Variants in ATP8A2 observed in about 807,000 individuals in gnomAD.
The protein encoded by ATP8A2 is phospholipid-transporting ATPase IB.
In ATP8A2, 100 loss-of-function variants were observed where a neutral mutation model predicts 165.6. That is an observed-to-expected ratio of 0.60 (90% confidence interval 0.51 to 0.71). The LOEUF (loss-of-function observed/expected upper bound fraction) is 0.71, where lower values mean the gene tolerates loss of function less well. ATP8A2 is among the 30% of genes least tolerant of loss of function. The pLI is 0.00. For synonymous variants in ATP8A2, 543 were observed against 548.8 expected, an observed-to-expected ratio of 0.99 and a Z score of 0.15; for missense variants, 1,227 against 1,479.5, an observed-to-expected ratio of 0.83 and a Z score of 2.80.
rs146201520 is a variant in ATP8A2 at position 25,770,396 on chromosome 13, G to C, written c.2568+1167G>C. On this transcript the variant is annotated intron_variant, in intron 26 of 36. Transcript: ENST00000381655. Reference sequence around the variant, plus strand: ...TAATCTTGTGGCTCCCCACCACCCAGGAACTGACTGAGCTCAAGAAGACAG... The same window carrying C: ...TAATCTTGTGGCTCCCCACCACCCACGAACTGACTGAGCTCAAGAAGACAG... 2.2e-4 allele frequency among the ~76,000 whole-genome samples: 33 copies of C among 152,186 alleles called. No individual in the cohort carries two copies. In the East Asian group the frequency reaches 6.0e-3, roughly 28 times the overall value.
chr13:25,646,186 T>C (rs2041665743), intron 24 of ATP8A2, among the ~76,000 whole-genome samples: 2 of 152,224 alleles, frequency 1.3e-5, no homozygotes, highest in Non-Finnish European at 2.9e-5. Flanking sequence ...TCTCTTTTTC[T>C]AGTTTTTTAC....
chr13:25,938,172 T>TAAA (rs759243830), intron 33 of ATP8A2, among the ~76,000 whole-genome samples: 1 of 133,970 alleles, frequency 7.5e-6, no homozygotes, highest in Admixed American at 7.6e-5. Context: ...GTGACCTGGT[T>TAAA]AAAAAAAAAA....
At chr13:25,898,561 A>G (rs1330949597) in intron 33 of ATP8A2, among the ~76,000 whole-genome samples, 1 of 152,252 alleles carries the variant, frequency 6.6e-6, no homozygotes, top group African/African-American at 2.4e-5. Context: ...GCTGTCAGAC[A>G]GGGACATTTA....
At chr13:25,826,429 C>T (rs535644908) in intron 27 of ATP8A2, among the ~76,000 whole-genome samples, 2 of 152,090 alleles carry the variant, frequency 1.3e-5, no homozygotes, top group African/African-American at 2.4e-5. Flanking sequence ...TTTGATCTCA[C>T]GGGGACTTGG....
At chr13:25,674,323 T>C (rs938231672) in intron 24 of ATP8A2, among the ~76,000 whole-genome samples, 1 of 152,180 alleles carries the variant, frequency 6.6e-6, no homozygotes, top group Non-Finnish European at 1.5e-5. Flanking sequence ...CTTTATTTTT[T>C]GTTTTCAACC....
At chr13:26,015,783 A>G (rs986636199) in intron 36 of ATP8A2, among the ~76,000 whole-genome samples, 1 of 152,212 alleles carries the variant, frequency 6.6e-6, no homozygotes, top group African/African-American at 2.4e-5. Context: ...AGTTGGGTCC[A>G]TGAGAGCTCC....
At chr13:25,662,289 A>C (rs1223655785) in intron 24 of ATP8A2, among the ~76,000 whole-genome samples, 6 of 151,974 alleles carry the variant, frequency 3.9e-5, no homozygotes, top group African/African-American at 1.2e-4. Context: ...GGAAGCTCAC[A>C]CCCCAGTTGT....
intron 25 of ATP8A2, among the ~76,000 whole-genome samples, chr13:25,733,259 G>T (rs77500961): frequency 6.6e-6 from 1 of 152,076 alleles, no homozygotes; most frequent in African/African-American, 2.4e-5. Context: ...TGAGCAAAGA[G>T]GGGTATTTCC....
At chr13:25,646,878 T>G (rs753749765) in intron 24 of ATP8A2, among the ~76,000 whole-genome samples, 11 of 152,102 alleles carry the variant, frequency 7.2e-5, no homozygotes, top group Non-Finnish European at 1.2e-4. Context: ...TTGAATCCAT[T>G]CTATTTTTCT....
intron 1 of ATP8A2, among the ~76,000 whole-genome samples, chr13:25,459,948 T>A (rs2035461609): frequency 6.6e-6 from 1 of 152,146 alleles, no homozygotes; most frequent in Admixed American, 6.5e-5. Flanking sequence ...ACGCCTGTAA[T>A]CCCAGCACTT....
intron 35 of ATP8A2, among the ~76,000 whole-genome samples, chr13:25,978,337 G>A (rs1158527966): frequency 6.6e-6 from 1 of 152,146 alleles, no homozygotes; most frequent in East Asian, 1.9e-4. Flanking sequence ...TGAGTTGTTT[G>A]CTTTTCCCTT....
chr13:25,533,346 A>T, intron 6 of ATP8A2, 33 bp downstream of exon 6: 1 of 1,276,606 alleles, frequency 7.8e-7, no homozygotes, highest in Non-Finnish European at 1.1e-6. Context: ...TACCAGTACT[A>T]TTGGTTTGAA....
chr13:25,824,298 C>G (rs745490330), intron 27 of ATP8A2, among the ~76,000 whole-genome samples: 4 of 152,158 alleles, frequency 2.6e-5, no homozygotes, highest in Non-Finnish European at 5.9e-5. Context: ...GCTTTCATTT[C>G]TCTTTAGGGT....
chr13:25,609,562 G>GA lies in ATP8A2; in HGVS notation c.2211+19864dup, dbSNP rs1315233394. Among the ~76,000 whole-genome samples, 28 of 145,720 alleles carry GA rather than the reference G, an allele frequency of 1.9e-4. No individual in the cohort carries two copies. The East Asian group carries it at 5.0e-3, about 26-fold the overall frequency. On this transcript the variant is annotated intron_variant, in intron 24 of 36. Transcript: ENST00000381655. ...ATTCAAATATATATATATATATTTG[G>GA]ATTCAAATATATATATATATTTGGG... is the stretch of plus-strand genomic sequence containing the variant.
intron 2 of ATP8A2, among the ~76,000 whole-genome samples, chr13:25,503,302 G>A (rs577463915): frequency 3.9e-5 from 6 of 152,292 alleles, no homozygotes; most frequent in Middle Eastern, 3.4e-3. Flanking sequence ...AATGACATAC[G>A]CAAACAGAGT....
intron 35 of ATP8A2, among the ~76,000 whole-genome samples, chr13:25,970,565 C>T (rs1231203044): frequency 6.6e-6 from 1 of 152,222 alleles, no homozygotes; most frequent in East Asian, 1.9e-4. Flanking sequence ...TTGCTACCTA[C>T]CGGTGAGGCC....
intron 1 of ATP8A2, among the ~76,000 whole-genome samples, chr13:25,442,792 T>C (rs2034967868): frequency 6.6e-6 from 1 of 152,212 alleles, no homozygotes; most frequent in South Asian, 2.1e-4. Flanking sequence ...TACTTGCATA[T>C]CTTCTTTGGA....
chr13:25,498,084 C>T (rs970773009), intron 2 of ATP8A2, among the ~76,000 whole-genome samples: 1 of 152,090 alleles, frequency 6.6e-6, no homozygotes, highest in East Asian at 1.9e-4. Flanking sequence ...ACACGTGCTC[C>T]GGATATGAGT....
chr13:25,687,814 G>C (rs1196529286), intron 24 of ATP8A2, among the ~76,000 whole-genome samples: 1 of 152,208 alleles, frequency 6.6e-6, no homozygotes, highest in Non-Finnish European at 1.5e-5. Context: ...ACAGGCAGAG[G>C]TTAGGCTCCC....
Sources: allele counts gnomAD v4.1 joint callset (sites outside exome capture counted in the v4.1 genomes callset), GRCh38; gene constraint gnomAD v4.1.1; transcripts MANE v1.5; gene names NCBI Gene and HGNC (gene_info 2026-07-23, HGNC 2026-07-21).